Variants in SOX5 observed in about 807,000 individuals in gnomAD.
SOX5 encodes SRY-box transcription factor 5.
SOX5 carries 9 observed loss-of-function variants against 92.0 expected under a neutral mutation model. The ratio of observed to expected loss-of-function variants is 0.10; its 90% CI spans 0.06 to 0.17. SOX5 has a LOEUF of 0.17. Ranked by LOEUF, SOX5 falls within the 10% of genes least tolerant of loss-of-function variation. The probability of loss-of-function intolerance (pLI) is 1.00; values close to 1 mark genes in which losing one functional copy is unlikely to be tolerated. For missense variants in SOX5, 642 were observed against 944.5 expected (o/e 0.68, Z 4.20); for synonymous variants, 344 against 336.3 (o/e 1.02, Z -0.25).
At chr12:23,685,628 T>TCC (rs144168250) in intron 6 of SOX5, among the ~76,000 whole-genome samples, 57 of 142,766 alleles carry the variant, frequency 4.0e-4, no homozygotes, top group African/African-American at 1.1e-3. Flanking sequence ...ATCCTTTTTG[T>TCC]CCCCCCCCCC....
chr12:23,818,053 C>T (rs560993651), intron 3 of SOX5, among the ~76,000 whole-genome samples: 6 of 152,080 alleles, frequency 3.9e-5, no homozygotes, highest in Admixed American at 1.3e-4. Flanking sequence ...TGTTAAAACA[C>T]GAATCATAAG....
upstream of SOX5, among the ~76,000 whole-genome samples, chr12:23,950,314 A>C (rs1945410816): frequency 6.6e-6 from 1 of 151,816 alleles, no homozygotes; most frequent in Non-Finnish European, 1.5e-5. Flanking sequence ...CATTGTTCTG[A>C]GGGAAGAAAA....
At chr12:24,118,566 A>G (rs1027154001) in intron 4 of SOX5, among the ~76,000 whole-genome samples, 3 of 152,084 alleles carry the variant, frequency 2.0e-5, no homozygotes, top group Non-Finnish European at 2.9e-5. Context: ...ACTTGACATG[A>G]TCATACATCT....
At position 24,124,093 on chromosome 12, in the gene SOX5, C is replaced by T. The variant is rs867955786; in HGVS notation, c.-2+89250G>A. 6.6e-5 allele frequency among the ~76,000 whole-genome samples: 10 copies of T among 152,234 alleles called. No homozygotes were observed. The Middle Eastern group carries it at 0.014, about 207-fold the overall frequency. On this transcript the variant is annotated intron_variant, in intron 4 of 4. Coordinates refer to the SOX5 transcript ENST00000446891. ...ATAGGATCCTATTAAATACAATATG[C>T]TATTTTTCTTTTTTTAATTAAGAAT...
chr12:24,308,705 A>T (rs2140760268), intron 2 of SOX5, among the ~76,000 whole-genome samples: 1 of 152,328 alleles, frequency 6.6e-6, no homozygotes, highest in Non-Finnish European at 1.5e-5. Flanking sequence ...CTGAAATTTA[A>T]AAAAAGTACA....
At chr12:23,633,518 C>T (rs898535149) in intron 8 of SOX5, among the ~76,000 whole-genome samples, 1 of 151,766 alleles carries the variant, frequency 6.6e-6, no homozygotes, top group African/African-American at 2.4e-5. Flanking sequence ...GAACCCCTCG[C>T]CTTTAAAAAG....
chr12:24,171,030 G>A (rs929013467), intron 4 of SOX5, among the ~76,000 whole-genome samples: 1 of 151,938 alleles, frequency 6.6e-6, no homozygotes, highest in African/African-American at 2.4e-5. Context: ...AGTGGTCCTA[G>A]GTAGGCTTGG....
At chr12:23,546,778 G>T (rs79307843) in intron 11 of SOX5, among the ~76,000 whole-genome samples, 1 of 152,168 alleles carries the variant, frequency 6.6e-6, no homozygotes, top group Non-Finnish European at 1.5e-5. Context: ...TTTTTGGCCA[G>T]ACAGTAGAAG....
At chr12:23,972,579 G>A (rs562800335) in intron 4 of SOX5, among the ~76,000 whole-genome samples, 30 of 151,986 alleles carry the variant, frequency 2.0e-4, no homozygotes, top group African/African-American at 6.3e-4. Flanking sequence ...GGCTAGTCTC[G>A]AACTCCTAAC....
At chr12:23,557,315 A>C (rs1945351676) in intron 11 of SOX5, among the ~76,000 whole-genome samples, 1 of 152,246 alleles carries the variant, frequency 6.6e-6, no homozygotes, top group Non-Finnish European at 1.5e-5. Context: ...ATCTTATTTG[A>C]CAGAAAATTA....
intron 4 of SOX5, among the ~76,000 whole-genome samples, chr12:24,196,346 A>C (rs1008092029): frequency 4.6e-5 from 7 of 152,266 alleles, no homozygotes; most frequent in African/African-American, 1.7e-4. Context: ...ACAATGTACA[A>C]AAAGAAAACA....
intron 2 of SOX5, among the ~76,000 whole-genome samples, chr12:24,348,096 A>G (rs986294019): frequency 1.3e-5 from 2 of 150,318 alleles, no homozygotes; most frequent in African/African-American, 4.9e-5. Flanking sequence ...TTAACACACC[A>G]CTTCTGAATA....
chr12:24,272,607 G>T (rs561194200), intron 3 of SOX5, among the ~76,000 whole-genome samples: 1 of 152,056 alleles, frequency 6.6e-6, no homozygotes, highest in South Asian at 2.1e-4. Flanking sequence ...TGCCTTCCCT[G>T]CATTTATTGA....
intron 4 of SOX5, among the ~76,000 whole-genome samples, chr12:24,180,101 A>G (rs1024271775): frequency 6.6e-6 from 1 of 152,020 alleles, no homozygotes; most frequent in Admixed American, 6.6e-5. Flanking sequence ...TTATAGGATT[A>G]TAGGAAAAGT....
chr12:23,847,168 GTA>G (rs2096584522), intron 2 of SOX5, among the ~76,000 whole-genome samples: 1 of 152,024 alleles, frequency 6.6e-6, no homozygotes, highest in Non-Finnish European at 1.5e-5. Flanking sequence ...GATTTTCCTT[GTA>G]TAGTCTCTTA....
intron 3 of SOX5, among the ~76,000 whole-genome samples, chr12:23,767,005 G>A (rs1307334516): frequency 2.6e-5 from 4 of 152,066 alleles, no homozygotes; most frequent in Non-Finnish European, 5.9e-5. Flanking sequence ...CTTGAACCCA[G>A]AAGTTAATAG....
chr12:24,279,024 T>C (rs995101084), intron 2 of SOX5, among the ~76,000 whole-genome samples: 13 of 152,038 alleles, frequency 8.6e-5, no homozygotes, highest in African/African-American at 2.4e-4. Flanking sequence ...CAGGTGGTAA[T>C]TTTACCCACA....
At chr12:24,171,503 G>A (rs920582345) in intron 4 of SOX5, among the ~76,000 whole-genome samples, 9 of 152,048 alleles carry the variant, frequency 5.9e-5, no homozygotes, top group East Asian at 1.9e-4. Flanking sequence ...GATTACAGGC[G>A]TGAGCCACCA....
intron 3 of SOX5, among the ~76,000 whole-genome samples, chr12:23,822,114 C>G (rs973517415): frequency 6.6e-6 from 1 of 152,066 alleles, no homozygotes; most frequent in Non-Finnish European, 1.5e-5. Flanking sequence ...TTTTGTGTCT[C>G]TATCTCCTTC....
Sources: gnomAD v4.1 joint callset for allele counts (sites outside exome capture counted in the v4.1 genomes callset) on GRCh38, gnomAD v4.1.1 for gene constraint, MANE v1.5 for transcripts, NCBI Gene and HGNC (gene_info 2026-07-23, HGNC 2026-07-21) for gene names.